OPCML: variants seen among roughly 807,000 people sequenced by gnomAD.
OPCML encodes the protein opioid-binding protein/cell adhesion molecule.
A neutral mutation model predicts 37.8 loss-of-function variants in OPCML; 13 were observed. The ratio of observed to expected loss-of-function variants is 0.34; its 90% confidence interval spans 0.22 to 0.55. The LOEUF is 0.55. OPCML is among the 20% of genes least tolerant of loss of function. The pLI is 0.91. For missense variants in OPCML, 341 were observed against 435.6 expected (o/e 0.78, Z 1.93); for synonymous variants, 176 against 168.8 (o/e 1.04, Z -0.33).
chr11:133,389,087 T>C (rs1458395831), intron 1 of OPCML, among the ~76,000 whole-genome samples: 1 of 152,160 alleles, frequency 6.6e-6, no homozygotes, highest in Non-Finnish European at 1.5e-5. Flanking sequence ...CTTTGTAATC[T>C]TACCAACAAT....
intron 3 of OPCML, among the ~76,000 whole-genome samples, chr11:132,576,729 G>C (rs554849772): frequency 4.4e-4 from 67 of 152,118 alleles, no homozygotes; most frequent in African/African-American, 1.6e-3. Context: ...TATTTATCCT[G>C]GTCTTCACTG....
At chr11:132,695,802 G>A (rs796936002) in intron 2 of OPCML, among the ~76,000 whole-genome samples, 7 of 152,266 alleles carry the variant, frequency 4.6e-5, no homozygotes, top group African/African-American at 1.7e-4. Context: ...CAGCAGACAA[G>A]GACTTTCAAG....
chr11:133,311,962 A>G (rs1943076724), intron 1 of OPCML, among the ~76,000 whole-genome samples: 1 of 152,046 alleles, frequency 6.6e-6, no homozygotes, highest in African/African-American at 2.4e-5. Context: ...CCCATCATTC[A>G]CTGCAGGGGC....
intron 1 of OPCML, among the ~76,000 whole-genome samples, chr11:133,011,740 TA>T (rs951185998): frequency 7.9e-5 from 12 of 152,154 alleles, no homozygotes; most frequent in Non-Finnish European, 1.2e-4. Context: ...CCATTGGTTA[TA>T]GTCCAAGCTC....
chr11:133,382,099 T>C (rs1944942212), intron 1 of OPCML, among the ~76,000 whole-genome samples: 2 of 152,320 alleles, frequency 1.3e-5, no homozygotes, highest in Middle Eastern at 6.8e-3. Context: ...GCTGCCAACT[T>C]GTTTGGGGAG....
chr11:132,720,600 T>C lies in OPCML; in HGVS notation c.147-63281A>G, dbSNP rs1486498499. Reference sequence around the variant, plus strand: ...GCTTTCAAAACCTCATCAGCATATATATATTTCTCTAATTGGCTCGCTATT... The same window carrying C: ...GCTTTCAAAACCTCATCAGCATATACATATTTCTCTAATTGGCTCGCTATT... On this transcript the variant is annotated intron_variant, in intron 2 of 7. Transcript: ENST00000524381. Among the ~76,000 whole-genome samples, 3 of 152,316 alleles carry C rather than the reference T, an allele frequency of 2.0e-5. No individual in the cohort carries two copies. In the East Asian group the frequency reaches 5.8e-4, roughly 29 times the overall value.
intron 1 of OPCML, among the ~76,000 whole-genome samples, chr11:133,139,726 C>A (rs946524326): frequency 6.6e-6 from 1 of 152,080 alleles, no homozygotes; most frequent in Non-Finnish European, 1.5e-5. Flanking sequence ...CATATGAATG[C>A]GGGGCTTGAG....
intron 1 of OPCML, among the ~76,000 whole-genome samples, chr11:133,350,293 A>G (rs1219512647): frequency 2.6e-5 from 4 of 152,200 alleles, no homozygotes; most frequent in African/African-American, 9.6e-5. Context: ...CTGCCTGGTG[A>G]CAGGTCTATA....
At chr11:132,960,964 G>A (rs574178918) in intron 1 of OPCML, among the ~76,000 whole-genome samples, 1 of 152,156 alleles carries the variant, frequency 6.6e-6, no homozygotes, top group Non-Finnish European at 1.5e-5. Context: ...CAGCAGGTGC[G>A]GCGATGAACA....
chr11:133,029,295 G>T lies in OPCML; in HGVS notation c.62-86285C>A, dbSNP rs557210682. On this transcript the variant is annotated intron_variant, in intron 1 of 7. Coordinates refer to ENST00000524381, the MANE Select transcript of OPCML (RefSeq NM_001012393.5). Reference sequence around the variant, plus strand: ...GGGAATGCAAATTAGTTAAGCCCCTGTGTAAAGTAGTTTGGAGATTTCTCA... The same window carrying T: ...GGGAATGCAAATTAGTTAAGCCCCTTTGTAAAGTAGTTTGGAGATTTCTCA... Among the ~76,000 whole-genome samples, 3 of 152,318 alleles carry T rather than the reference G, an allele frequency of 2.0e-5. No individual in the cohort carries two copies. The South Asian group carries it at 6.2e-4, about 32-fold the overall frequency.
At chr11:132,960,491 G>A (rs946503677) in intron 1 of OPCML, among the ~76,000 whole-genome samples, 1 of 152,168 alleles carries the variant, frequency 6.6e-6, no homozygotes, top group African/African-American at 2.4e-5. Context: ...CGGAGGCAAG[G>A]CAGGATCCCT....
chr11:132,971,600 T>C (rs1946344803), intron 1 of OPCML, among the ~76,000 whole-genome samples: 1 of 152,228 alleles, frequency 6.6e-6, no homozygotes, highest in Non-Finnish European at 1.5e-5. Context: ...AAACTTTCAA[T>C]GGCAAAGAGC....
At chr11:133,417,770 T>C (rs114851767) in intron 1 of OPCML, among the ~76,000 whole-genome samples, 2,144 of 152,154 alleles carry the variant, frequency 0.014, 44 homozygotes, top group African/African-American at 0.048. Context: ...AGACCACCAA[T>C]TGAATATTTA....
intron 2 of OPCML, among the ~76,000 whole-genome samples, chr11:132,674,530 A>AT (rs2135828093): frequency 6.6e-6 from 1 of 152,354 alleles, no homozygotes; most frequent in Non-Finnish European, 1.5e-5. Context: ...CCCAAAGTCT[A>AT]TGTGCACACT....
chr11:132,817,569 A>G (rs778508238), intron 2 of OPCML, among the ~76,000 whole-genome samples: 2 of 152,178 alleles, frequency 1.3e-5, no homozygotes, highest in Admixed American at 6.5e-5. Flanking sequence ...ATATATGCCT[A>G]TGCTTCAGAG....
At chr11:133,484,069 GAT>G (rs1947469011) in intron 1 of OPCML, among the ~76,000 whole-genome samples, 1 of 144,364 alleles carries the variant, frequency 6.9e-6, no homozygotes, top group Non-Finnish European at 1.5e-5. Flanking sequence ...TAGATAGATA[GAT>G]AGATAGATAG....
chr11:133,418,491 T>C, intron 1 of OPCML: 6 of 984,958 alleles, frequency 6.1e-6, no homozygotes, highest in Non-Finnish European at 7.2e-6. Context: ...GATAAAATAA[T>C]AGTCATAAAA....
At chr11:133,316,876 T>G (rs1419411647) in intron 1 of OPCML, among the ~76,000 whole-genome samples, 1 of 152,218 alleles carries the variant, frequency 6.6e-6, no homozygotes, top group Non-Finnish European at 1.5e-5. Context: ...CAAACTCAGT[T>G]TCATGATTAC....
At chr11:132,456,459 A>G (rs761537767) in intron 4 of OPCML, among the ~76,000 whole-genome samples, 12 of 152,232 alleles carry the variant, frequency 7.9e-5, no homozygotes, top group Non-Finnish European at 1.6e-4. Flanking sequence ...AAGAAATTCC[A>G]TATATCTAGT....
Sources: allele counts gnomAD v4.1 joint callset (sites outside exome capture counted in the v4.1 genomes callset), GRCh38; gene constraint gnomAD v4.1.1; transcripts MANE v1.5; gene names NCBI Gene and HGNC (gene_info 2026-07-23, HGNC 2026-07-21).